Variants in SLFN12 observed in about 807,000 individuals in gnomAD.
SLFN12 encodes schlafen family member 12, also known as ribonuclease SLFN12.
In SLFN12, 25 loss-of-function variants were observed where a neutral mutation model predicts 29.1. That is an observed-to-expected ratio of 0.86 (90% CI 0.63 to 1.20). The LOEUF (loss-of-function observed/expected upper bound fraction) is 1.20. Among genes scored for constraint, SLFN12 ranks in the 50% most tolerant of loss-of-function variants. The probability of loss-of-function intolerance (pLI) is 0.00; values close to 1 mark genes in which losing one functional copy is unlikely to be tolerated. For synonymous variants in SLFN12, 257 were observed against 238.7 expected, an observed-to-expected ratio of 1.08 and a Z score of -0.71; for missense variants, 660 against 666.2, an observed-to-expected ratio of 0.99 and a Z score of 0.10.
intron 1 of SLFN12, among the ~76,000 whole-genome samples, chr17:35,426,012 C>A (rs1257088967): frequency 6.6e-6 from 1 of 151,282 alleles, no homozygotes; most frequent in Non-Finnish European, 1.5e-5. Context: ...GGTGATTTCT[C>A]ATTGTGGTTT....
At chr17:35,421,849 A>T in intron 2 of SLFN12, 141 bp downstream of exon 2, 1 of 1,210,640 alleles carries the variant, frequency 8.3e-7, no homozygotes, top group Non-Finnish European at 1.1e-6. Flanking sequence ...CGAGGCAGGG[A>T]ACTATTGATT....
intron 1 of SLFN12, among the ~76,000 whole-genome samples, chr17:35,428,403 G>C (rs904268321): frequency 6.6e-6 from 1 of 152,182 alleles, no homozygotes; most frequent in South Asian, 2.1e-4. Context: ...GCGGGGAAGA[G>C]GATGTGGTCT....
At chr17:35,418,088 T>C (rs1374798838) in intron 3 of SLFN12, among the ~76,000 whole-genome samples, 1 of 152,148 alleles carries the variant, frequency 6.6e-6, no homozygotes, top group Non-Finnish European at 1.5e-5. Context: ...CAAAAGTTTT[T>C]TTGGCATTTA....
At chr17:35,426,388 T>A (rs556617149) in intron 1 of SLFN12, among the ~76,000 whole-genome samples, 9 of 152,250 alleles carry the variant, frequency 5.9e-5, no homozygotes, top group Non-Finnish European at 1.2e-4. Context: ...ATGTCTTGGA[T>A]CTTTTTCATA....
intron 3 of SLFN12, 27 bp downstream of exon 3, chr17:35,420,247 A>G: frequency 6.5e-7 from 1 of 1,541,634 alleles, no homozygotes; most frequent in Non-Finnish European, 9.0e-7. Context: ...CACACTAACA[A>G]ATCCGAAGAA....
At chr17:35,421,003 T>A (rs1257947797) in intron 2 of SLFN12, among the ~76,000 whole-genome samples, 2 of 151,496 alleles carry the variant, frequency 1.3e-5, no homozygotes, top group African/African-American at 4.8e-5. Context: ...AGGTCAAGAG[T>A]TCGAGACCAG....
chr17:35,420,425 A>G (rs1911559028), intron 2 of SLFN12, 44 bp from the exon 3 acceptor site: 5 of 1,214,722 alleles, frequency 4.1e-6, no homozygotes, highest in Middle Eastern at 3.8e-4. Context: ...CAGAAGGGAG[A>G]CCCCAACTAA....
At position 35,420,395 on chromosome 17, in the gene SLFN12, A is replaced by G; in HGVS notation, c.1040-14T>C. On this transcript the variant is annotated splice_polypyrimidine_tract_variant and intron_variant, in intron 2 of 3. Coordinates refer to ENST00000304905, the MANE Select transcript of SLFN12 (RefSeq NM_018042.5). Reference sequence around the variant, plus strand: ...AACTGGAAAATTCTTAAAAACAAAAATATCACATTCTTAATTTCGCAGAAG... The same window carrying G: ...AACTGGAAAATTCTTAAAAACAAAAGTATCACATTCTTAATTTCGCAGAAG... The G allele has an allele frequency of 1.3e-6, 2 of 1,562,926 alleles. No individual in the cohort carries two copies. Among genetic ancestry groups the G allele is most frequent in the South Asian group, 1.1e-5 (1 of 89,946 alleles).
At chr17:35,428,998 G>A (rs1514488) in intron 1 of SLFN12, among the ~76,000 whole-genome samples, 21,674 of 151,962 alleles carry the variant, frequency 0.14, 2,268 homozygotes, top group African/African-American at 0.28. Context: ...CTACCCAGGC[G>A]CACAGCCCCA....
At chr17:35,415,267 G>A (rs1411710203) in intron 3 of SLFN12, among the ~76,000 whole-genome samples, 4 of 152,024 alleles carry the variant, frequency 2.6e-5, no homozygotes, top group Non-Finnish European at 5.9e-5. Context: ...GTGGGGAAAG[G>A]ACACCCCATG....
chr17:35,417,352 TA>T (rs1157045655), intron 3 of SLFN12, among the ~76,000 whole-genome samples: 1 of 152,058 alleles, frequency 6.6e-6, no homozygotes, highest in Non-Finnish European at 1.5e-5. Context: ...TCATCCATGA[TA>T]AAAAAAGAAA....
At chr17:35,425,164 G>A (rs970341831) in intron 1 of SLFN12, among the ~76,000 whole-genome samples, 4 of 152,014 alleles carry the variant, frequency 2.6e-5, no homozygotes, top group East Asian at 1.9e-4. Flanking sequence ...TGGCACAGTG[G>A]TTTGTGCCTA....
At chr17:35,413,529 C>T (rs1323913109) in intron 3 of SLFN12, among the ~76,000 whole-genome samples, 1 of 152,018 alleles carries the variant, frequency 6.6e-6, no homozygotes, top group Admixed American at 6.6e-5. Context: ...AGGTGGATCA[C>T]CTGAGGTCAG....
chr17:35,425,702 C>T (rs1420725175), intron 1 of SLFN12, among the ~76,000 whole-genome samples: 1 of 151,850 alleles, frequency 6.6e-6, no homozygotes, highest in Non-Finnish European at 1.5e-5. Flanking sequence ...CCATATCTTG[C>T]CTATTGTGAA....
At chr17:35,421,264 G>C (rs920569870) in intron 2 of SLFN12, among the ~76,000 whole-genome samples, 1 of 147,686 alleles carries the variant, frequency 6.8e-6, no homozygotes, top group Non-Finnish European at 1.5e-5. Flanking sequence ...AAATAGAAAG[G>C]GGACAAGAAG....
intron 3 of SLFN12, among the ~76,000 whole-genome samples, chr17:35,414,695 C>CA (rs1911218974): frequency 6.6e-6 from 1 of 151,994 alleles, no homozygotes; most frequent in Non-Finnish European, 1.5e-5. Context: ...CCAATGTACA[C>CA]AAATTAGTAC....
chr17:35,418,734 T>C (rs893600023), intron 3 of SLFN12, among the ~76,000 whole-genome samples: 1 of 152,170 alleles, frequency 6.6e-6, no homozygotes, highest in Non-Finnish European at 1.5e-5. Flanking sequence ...GAAGGTGGCA[T>C]GGCAGATCAT....
intron 1 of SLFN12, among the ~76,000 whole-genome samples, chr17:35,429,863 T>C (rs1246948932): frequency 6.6e-6 from 1 of 152,026 alleles, no homozygotes; most frequent in African/African-American, 2.4e-5. Flanking sequence ...CATCAGTGCC[T>C]GGTCGCATTT....
At chr17:35,419,010 G>C (rs1382758272) in intron 3 of SLFN12, among the ~76,000 whole-genome samples, 3 of 152,010 alleles carry the variant, frequency 2.0e-5, no homozygotes, top group Non-Finnish European at 2.9e-5. Flanking sequence ...TGGGTCTGCA[G>C]GTGTGCACCA....
Sources: gnomAD v4.1 joint callset for allele counts (sites outside exome capture counted in the v4.1 genomes callset) on GRCh38, gnomAD v4.1.1 for gene constraint, MANE v1.5 for transcripts, NCBI Gene and HGNC (gene_info 2026-07-23, HGNC 2026-07-21) for gene names.